ARHGAP8: variants seen among roughly 807,000 people sequenced by gnomAD.
ARHGAP8 encodes rho GTPase-activating protein 8.
A neutral mutation model predicts 46.1 loss-of-function variants in ARHGAP8; 62 were observed. The ratio of observed to expected loss-of-function variants is 1.34; its 90% CI spans 1.10 to 1.66. ARHGAP8 has a LOEUF of 1.66. Among genes scored for constraint, ARHGAP8 ranks in the 40% most tolerant of loss-of-function variants. The pLI is 0.00. For synonymous variants in ARHGAP8, 375 were observed against 243.1 expected (o/e 1.54, Z -5.05); for missense variants, 923 against 568.4 (o/e 1.62, Z -6.34).
At chr22:44,821,586 C>T (rs1930149850) in intron 5 of ARHGAP8, among the ~76,000 whole-genome samples, 1 of 152,208 alleles carries the variant, frequency 6.6e-6, no homozygotes. Context: ...TGCTCGCATC[C>T]ATCTGTCAAT....
intron 7 of ARHGAP8, among the ~76,000 whole-genome samples, chr22:44,839,192 C>G (rs1161828135): frequency 6.6e-6 from 1 of 152,146 alleles, no homozygotes; most frequent in Non-Finnish European, 1.5e-5. Context: ...CCTTCTCCCT[C>G]CCAGAGAGGA....
intron 1 of ARHGAP8, among the ~76,000 whole-genome samples, chr22:44,772,809 CTTT>C (rs5845668): frequency 3.5e-5 from 4 of 112,998 alleles, no homozygotes; most frequent in Admixed American, 2.2e-4. Flanking sequence ...CTCTCTCCCA[CTTT>C]TTTTTTTTTT....
intron 1 of ARHGAP8, among the ~76,000 whole-genome samples, chr22:44,764,763 G>A (rs549733383): frequency 2.6e-5 from 4 of 152,336 alleles, no homozygotes; most frequent in South Asian, 2.1e-4. Context: ...AAAGTCCTGC[G>A]TCAGTCAGTG....
At chr22:44,763,285 C>T (rs1002747134) in intron 1 of ARHGAP8, among the ~76,000 whole-genome samples, 4 of 151,590 alleles carry the variant, frequency 2.6e-5, no homozygotes, top group Admixed American at 2.0e-4. Flanking sequence ...TCACTTGAGG[C>T]CAGGAGTTCG....
intron 7 of ARHGAP8, among the ~76,000 whole-genome samples, chr22:44,829,323 C>T (rs960085787): frequency 6.6e-6 from 1 of 151,456 alleles, no homozygotes; most frequent in African/African-American, 2.4e-5. Flanking sequence ...AAAGAAAAAA[C>T]AAGCATAGCT....
chr22:44,862,488 AGCAGG>A lies in ARHGAP8; in HGVS notation c.1200_1204del (p.Arg400SerfsTer73), dbSNP rs2070545590. On this transcript the variant is annotated frameshift_variant, in exon 12 of 12. Transcript: ENST00000356099. LOFTEE classifies it low-confidence loss of function (END_TRUNC). ...CGGCCTGGCACCATGGGAACAGGGG[AGCAGG>A]GCAGCCCCTTTGCAGGAGGCTGTGC... 6.2e-7 allele frequency: 1 copy of A among 1,613,142 alleles called. No homozygotes were observed. The highest frequency in any genetic ancestry group is 1.3e-5 in the African/African-American group (1 of 74,850).
At chr22:44,784,273 G>A (rs958324218) in intron 1 of ARHGAP8, among the ~76,000 whole-genome samples, 2 of 152,078 alleles carry the variant, frequency 1.3e-5, no homozygotes, top group Non-Finnish European at 2.9e-5. Context: ...GCGTGGTGGT[G>A]CATGCCTGTA....
At chr22:44,784,064 G>A (rs1266284453) in intron 1 of ARHGAP8, among the ~76,000 whole-genome samples, 1 of 151,992 alleles carries the variant, frequency 6.6e-6, no homozygotes. Flanking sequence ...TAAAAGCAAT[G>A]CAAAAATCTT....
intron 7 of ARHGAP8, among the ~76,000 whole-genome samples, chr22:44,831,884 G>A (rs1930971878): frequency 6.6e-6 from 1 of 152,038 alleles, no homozygotes; most frequent in African/African-American, 2.4e-5. Flanking sequence ...TTTGAAATTG[G>A]GAAGTGTGAG....
chr22:44,812,471 C>G (rs565905606), intron 4 of ARHGAP8, among the ~76,000 whole-genome samples: 1 of 151,952 alleles, frequency 6.6e-6, no homozygotes, highest in Non-Finnish European at 1.5e-5. Context: ...ATTCTCCTGC[C>G]TCAGCCTCCT....
chr22:44,818,353 G>A (rs146843997), intron 5 of ARHGAP8, among the ~76,000 whole-genome samples: 2 of 150,688 alleles, frequency 1.3e-5, no homozygotes, highest in East Asian at 2.0e-4. Flanking sequence ...GGAGGCTGAC[G>A]CAGGAGAATC....
rs752977847 is a variant in ARHGAP8 at position 44,862,594 on chromosome 22, A to C, written c.1301A>C (p.Ter434SerextTer33). 3 of 1,569,334 alleles carry C rather than the reference A, an allele frequency of 1.9e-6. No individual in the cohort carries two copies. Among genetic ancestry groups the C allele is most frequent in the Admixed American group, 1.8e-5 (1 of 56,312 alleles). Residue 434 changes from the stop codon to serine, a stop_lost, in exon 12 of 12, where the codon TAG becomes TCG. Coordinates refer to ENST00000356099, the MANE Select transcript of ARHGAP8 (RefSeq NM_181335.3). ...SPLMAARRRL[*>S] ...CTGATGGCAGCCAGAAGACGTCTCT[A>C]GTGTTGCGAACACTCTGTATATTTC...
intron 11 of ARHGAP8, among the ~76,000 whole-genome samples, chr22:44,860,769 T>C (rs995340314): frequency 8.6e-5 from 13 of 151,946 alleles, no homozygotes; most frequent in African/African-American, 3.1e-4. Flanking sequence ...AGGGGAAGGT[T>C]CAACACATCC....
chr22:44,850,218 C>T (rs968364561), intron 10 of ARHGAP8: 1 of 152,186 alleles, frequency 6.6e-6, no homozygotes, highest in African/African-American at 2.4e-5. Flanking sequence ...ATGCAACGCC[C>T]TTTCTGAGAT....
intron 10 of ARHGAP8, among the ~76,000 whole-genome samples, chr22:44,854,193 C>G (rs1330231152): frequency 1.3e-5 from 2 of 151,640 alleles, no homozygotes; most frequent in African/African-American, 4.8e-5. Context: ...TCATACATAA[C>G]ACTGAATAAG....
intron 1 of ARHGAP8, among the ~76,000 whole-genome samples, chr22:44,784,601 A>G (rs1218221512): frequency 2.0e-5 from 3 of 152,118 alleles, no homozygotes; most frequent in Non-Finnish European, 4.4e-5. Context: ...CCTGGAACCA[A>G]TCCCTCCAGG....
chr22:44,820,511 C>T (rs189569863), intron 5 of ARHGAP8, among the ~76,000 whole-genome samples: 242 of 152,308 alleles, frequency 1.6e-3, no homozygotes, highest in African/African-American at 5.4e-3. Context: ...CCAGACTGTC[C>T]CCGAGTCCTG....
At position 44,862,603 on chromosome 22, in the gene ARHGAP8, A is replaced by G. The variant is rs1417530235; in HGVS notation, c.*8A>G. ...GCCAGAAGACGTCTCTAGTGTTGCG[A>G]ACACTCTGTATATTTCGAGCTACCT... On this transcript the variant is annotated 3_prime_UTR_variant, in exon 12 of 12. Coordinates refer to ENST00000356099, the MANE Select transcript of ARHGAP8 (RefSeq NM_181335.3). The G allele has an allele frequency of 3.9e-6, 6 of 1,551,706 alleles. No homozygotes were observed. The highest frequency in any genetic ancestry group is 4.8e-5 in the East Asian group (2 of 41,598).
At position 44,785,056 on chromosome 22, in the gene ARHGAP8, G is replaced by C. The variant is rs1602170833; in HGVS notation, c.-71-1401G>C. On this transcript the variant is annotated intron_variant, in intron 1 of 11. Transcript: ENST00000356099. ...AGACCGGGACTGAGTGGGCAGGGAG[G>C]TGTGGGAAGCAGCTTCCAGCCCATG... 2.0e-5 allele frequency among the ~76,000 whole-genome samples: 3 copies of C among 152,158 alleles called. No individual in the cohort carries two copies. In the South Asian group the frequency reaches 6.2e-4, roughly 32 times the overall value.
Sources: gnomAD v4.1 joint callset for allele counts (sites outside exome capture counted in the v4.1 genomes callset) on GRCh38, gnomAD v4.1.1 for gene constraint, MANE v1.5 for transcripts, NCBI Gene and HGNC (gene_info 2026-07-23, HGNC 2026-07-21) for gene names.